MOB1A: variants seen among roughly 807,000 people sequenced by gnomAD.
MOB1A encodes MOB kinase activator 1A.
A neutral mutation model predicts 25.1 loss-of-function variants in MOB1A; 10 were observed. The observed-to-expected ratio is 0.40, with a 90% CI of 0.25 to 0.68. MOB1A has a LOEUF of 0.68. Among genes scored for constraint, MOB1A ranks in the 30% least tolerant of loss-of-function variants. The pLI, the probability that MOB1A is intolerant of heterozygous loss-of-function variation, is 0.40. For missense variants in MOB1A, 177 were observed against 256.3 expected, an observed-to-expected ratio of 0.69 and a Z score of 2.11; for synonymous variants, 81 against 79.5, an observed-to-expected ratio of 1.02 and a Z score of -0.10.
chr2:74,174,089 A>T (rs146621664), intron 1 of MOB1A, among the ~76,000 whole-genome samples: 137 of 147,450 alleles, frequency 9.3e-4, no homozygotes, highest in African/African-American at 3.3e-3. Context: ...AACATGGTGA[A>T]ACCCCGTCTC....
rs1191674966 is a variant in MOB1A at position 74,153,324 on chromosome 2, G to T, written c.*3244C>A. On this transcript the variant is annotated 3_prime_UTR_variant, in exon 6 of 6. Transcript: ENST00000396049. ...AGCTCTACTTCTAGTATACCTCAATGCTCAGAGAGAAAGCCAACAATACAA... is the reference window on the plus strand; with the variant it reads ...AGCTCTACTTCTAGTATACCTCAATTCTCAGAGAGAAAGCCAACAATACAA... The T allele has an allele frequency of 2.0e-5, 3 of 152,196 alleles. No homozygotes were observed. Among genetic ancestry groups the T allele is most frequent in the Non-Finnish European group, 4.4e-5 (3 of 68,036 alleles). The allele number at this position is 152,196 out of a possible 1,614,324, so 9.4% of individuals were successfully genotyped here.
chr2:74,157,264 G>A (rs1411505646), intron 5 of MOB1A, among the ~76,000 whole-genome samples: 1 of 151,836 alleles, frequency 6.6e-6, no homozygotes. Context: ...ACAAAAAACA[G>A]GGCTCAGGAG....
chr2:74,178,397 G>A (rs2103759287), intron 1 of MOB1A: 1 of 319,156 alleles, frequency 3.1e-6, no homozygotes, highest in East Asian at 4.7e-5. Context: ...GGGGGCGCTC[G>A]GGCGGAAAAG....
intron 1 of MOB1A, among the ~76,000 whole-genome samples, chr2:74,176,430 T>C (rs1250465044): frequency 6.6e-6 from 1 of 151,134 alleles, no homozygotes; most frequent in Non-Finnish European, 1.5e-5. Flanking sequence ...GTATCTAGAA[T>C]GTATAAAGAA....
chr2:74,159,961 C>T (rs373565640), intron 4 of MOB1A, among the ~76,000 whole-genome samples: 4 of 151,868 alleles, frequency 2.6e-5, no homozygotes, highest in East Asian at 1.9e-4. Context: ...GGACTACAGG[C>T]GTGCACTACT....
intron 5 of MOB1A, 106 bp downstream of exon 5, chr2:74,158,985 G>A (rs1459307447): frequency 1.9e-6 from 2 of 1,055,566 alleles, no homozygotes; most frequent in East Asian, 2.4e-5. Flanking sequence ...AAGCTTGCCT[G>A]TAATTGGCTC....
At chr2:74,157,631 T>C (rs1266699584) in intron 5 of MOB1A, among the ~76,000 whole-genome samples, 2 of 152,136 alleles carry the variant, frequency 1.3e-5, no homozygotes, top group South Asian at 2.1e-4. Context: ...ATTATCAAAA[T>C]TGAATCAAAT....
chr2:74,159,174 G>A lies in MOB1A; in HGVS notation c.490C>T (p.His164Tyr). 6.2e-7 allele frequency: 1 copy of A among 1,613,948 alleles called. No homozygotes were observed. Residue 164 changes from histidine to tyrosine, a missense_variant, in exon 5 of 6, where the codon CAC (histidine) becomes TAC (tyrosine). Coordinates refer to ENST00000396049, the MANE Select transcript of MOB1A (RefSeq NM_018221.5). ...RLFRVYAHIY[H>Y]QHFDSVMQLQ... is the part of the protein sequence containing the mutation. ...TGCATCACAGAATCAAAGTGCTGGT[G>A]ATAAATATGGGCATAAACCCTGAAC... is the stretch of plus-strand genomic sequence containing the variant.
chr2:74,171,080 G>C (rs1054416416), intron 2 of MOB1A, among the ~76,000 whole-genome samples: 2 of 152,020 alleles, frequency 1.3e-5, no homozygotes, highest in African/African-American at 2.4e-5. Flanking sequence ...AGGAGTTCGA[G>C]ACCAGCCTGG....
rs754977448 is a variant in MOB1A, at chr2:74,167,117, T to C, written c.182-10A>G. The C allele has an allele frequency of 3.1e-6, 5 of 1,605,488 alleles. No individual in the cohort carries two copies. The South Asian group carries it at 3.3e-5, about 11-fold the overall frequency. On this transcript the variant is annotated splice_polypyrimidine_tract_variant and intron_variant, in intron 2 of 5. Transcript: ENST00000396049. ...TTAAAGAAATCCACAGCTGCAGAGA[T>C]AATAGAATTGTGTCAAAATGTCTGT...
intron 1 of MOB1A, chr2:74,178,456 C>T (rs1437341894): frequency 2.6e-6 from 1 of 377,472 alleles, no homozygotes; most frequent in East Asian, 3.8e-5. Context: ...AGCCTTCACG[C>T]TCCGTTTCCT....
chr2:74,176,577 A>C (rs1004687902), intron 1 of MOB1A, among the ~76,000 whole-genome samples: 7 of 151,984 alleles, frequency 4.6e-5, no homozygotes, highest in African/African-American at 1.7e-4. Context: ...ATCTTGGCTA[A>C]CACGGTGAAA....
At chr2:74,173,835 G>C (rs941126871) in intron 1 of MOB1A, among the ~76,000 whole-genome samples, 3 of 150,590 alleles carry the variant, frequency 2.0e-5, no homozygotes, top group African/African-American at 7.3e-5. Context: ...TGTAGTCCCA[G>C]CTACACGGGA....
At chr2:74,165,995 A>C (rs1343820833) in intron 3 of MOB1A, among the ~76,000 whole-genome samples, 5 of 152,178 alleles carry the variant, frequency 3.3e-5, no homozygotes, top group Admixed American at 3.3e-4. Context: ...CTACAAACTC[A>C]TTAGGGATCT....
intron 2 of MOB1A, among the ~76,000 whole-genome samples, chr2:74,169,277 G>A (rs538491538): frequency 6.6e-5 from 10 of 152,254 alleles, no homozygotes; most frequent in East Asian, 3.9e-4. Context: ...TGAGGCAGGC[G>A]GATCACTTGA....
chr2:74,175,606 A>G (rs12473645), intron 1 of MOB1A, among the ~76,000 whole-genome samples: 23,171 of 152,142 alleles, frequency 0.15, 2,075 homozygotes, highest in East Asian at 0.38. Context: ...CTAGATATGG[A>G]TAAGAATTTT....
In MOB1A at chr2:74,162,455, C is replaced by G. The variant is rs548091906; in HGVS notation, c.409+2763G>C. ...CGAGACTGTGCCACTGCCCTCCAGCCTGGGTGACAGAGTGAGACCCTGTCT... is the reference window on the plus strand; with the variant it reads ...CGAGACTGTGCCACTGCCCTCCAGCGTGGGTGACAGAGTGAGACCCTGTCT... On this transcript the variant is annotated intron_variant, in intron 4 of 5. Transcript: ENST00000396049. Among the ~76,000 whole-genome samples, 10 of 152,236 alleles carry G rather than the reference C, an allele frequency of 6.6e-5. No homozygotes were observed. The South Asian group carries it at 2.1e-3, about 32-fold the overall frequency.
chr2:74,157,109 G>A (rs1692827306), intron 5 of MOB1A, among the ~76,000 whole-genome samples: 1 of 148,646 alleles, frequency 6.7e-6, no homozygotes, highest in African/African-American at 2.5e-5. Context: ...CTTCAGGATG[G>A]GAACTGGTCA....
chr2:74,159,751 T>TGAGG (rs774821807), intron 4 of MOB1A, among the ~76,000 whole-genome samples: 9 of 152,072 alleles, frequency 5.9e-5, no homozygotes, highest in Admixed American at 2.0e-4. Context: ...GGCACAGGTA[T>TGAGG]CAAATTATGT....
Sources: gnomAD v4.1 joint callset for allele counts (sites outside exome capture counted in the v4.1 genomes callset) on GRCh38, gnomAD v4.1.1 for gene constraint, MANE v1.5 for transcripts, NCBI Gene and HGNC (gene_info 2026-07-23, HGNC 2026-07-21) for gene names.